STAM2: variants seen among roughly 807,000 people sequenced by gnomAD.
STAM2 encodes signal transducing adaptor molecule 2.
In STAM2, 51 loss-of-function variants were observed where a neutral mutation model predicts 65.6. That is an observed-to-expected ratio of 0.78 (90% CI 0.62 to 0.98). The LOEUF (loss-of-function observed/expected upper bound fraction) is 0.98, where lower values mean the gene tolerates loss of function less well. Ranked by LOEUF, STAM2 falls within the 50% of genes least tolerant of loss-of-function variation. STAM2 has a pLI of 0.00. For synonymous variants in STAM2, 198 were observed against 208.4 expected (o/e 0.95, Z 0.43); for missense variants, 584 against 617.8 (o/e 0.95, Z 0.58).
intron 1 of STAM2, among the ~76,000 whole-genome samples, chr2:152,172,857 C>T (rs186672896): frequency 6.9e-4 from 96 of 139,438 alleles, no homozygotes; most frequent in African/African-American, 2.5e-3. Context: ...GAGACAGATT[C>T]GTCTCAAAAA....
In STAM2 at chr2:152,150,185, T is replaced by TA. The variant is rs752197733; in HGVS notation, c.84dup (p.Ile29TyrfsTer6). 1 of 1,613,688 alleles carries TA rather than the reference T, an allele frequency of 6.2e-7. No individual in the cohort carries two copies. The highest frequency in any genetic ancestry group is 1.1e-5 in the South Asian group (1 of 91,028). On this transcript the variant is annotated frameshift_variant, in exon 2 of 14. Transcript: ENST00000263904. LOFTEE classifies it high-confidence loss of function. ...CCAACTTTGTCACATATGTCCATAA[T>TA]AAGACTCCAATCTTCTGTAGTGTTG...
At chr2:152,132,052 T>C (rs1473712733) in intron 11 of STAM2, 62 bp downstream of exon 11, 11 of 1,250,402 alleles carry the variant, frequency 8.8e-6, no homozygotes, top group Non-Finnish European at 1.3e-5. Flanking sequence ...ACTTTACTGT[T>C]TGCCAAAACA....
intron 10 of STAM2, 124 bp from the exon 11 acceptor site, chr2:152,132,292 C>T (rs747052074): frequency 3.4e-5 from 21 of 611,922 alleles, no homozygotes; most frequent in Non-Finnish European, 5.5e-5. Flanking sequence ...TAAGCTCATG[C>T]TAGAGAAAGA....
intron 4 of STAM2, among the ~76,000 whole-genome samples, chr2:152,147,646 T>C (rs1485029534): frequency 6.6e-6 from 1 of 152,174 alleles, no homozygotes; most frequent in Non-Finnish European, 1.5e-5. Flanking sequence ...ACCAGCTGCA[T>C]GACCTTGGAC....
intron 1 of STAM2, among the ~76,000 whole-genome samples, chr2:152,173,539 G>A (rs1689943893): frequency 6.6e-6 from 1 of 151,838 alleles, no homozygotes; most frequent in Admixed American, 6.6e-5. Context: ...AGGGACTACA[G>A]GCACGCGCCA....
rs778426545 is a variant in STAM2, at chr2:152,144,905, T to C, written c.500A>G (p.Asp167Gly). 1.9e-6 allele frequency: 3 copies of C among 1,613,938 alleles called. No homozygotes were observed. The highest frequency in any genetic ancestry group is 2.2e-5 in the South Asian group (2 of 91,064). Reference sequence around the variant, plus strand: ...TCATTTACCTTTAGCTATGTCTTCATCCTCTTTGTTTTTGTTCGATGACGT... The same window carrying C: ...TCATTTACCTTTAGCTATGTCTTCACCCTCTTTGTTTTTGTTCGATGACGT... The part of the protein sequence containing the change: ...NGTSSNKNKE[D>G]EDIAKAIELS... The change falls in exon 6 of 14, where the codon GAT (aspartate) becomes GGT (glycine). Residue 167 changes from aspartate to glycine, a missense_variant. By Grantham distance (94) the Asp-to-Gly change is moderately conservative (BLOSUM62 -1). Transcript: ENST00000263904.
At chr2:152,168,284 C>T (rs1439874189) in intron 1 of STAM2, among the ~76,000 whole-genome samples, 1 of 152,096 alleles carries the variant, frequency 6.6e-6, no homozygotes, top group African/African-American at 2.4e-5. Flanking sequence ...CCTCAGCCTC[C>T]CGAGTAGCTG....
At position 152,175,725 on chromosome 2, in the gene STAM2, T is replaced by C; in HGVS notation, c.-83A>G. 1.4e-6 allele frequency: 2 copies of C among 1,457,884 alleles called. No homozygotes were observed. Among genetic ancestry groups the C allele is most frequent in the Non-Finnish European group, 9.4e-7 (1 of 1,065,366 alleles). 90.3% of individuals were successfully genotyped at this position (1,457,884 alleles called of 1,614,324 possible). A position where few individuals can be genotyped will look rare whatever the true frequency, so the allele number is the denominator to read the frequency against. On this transcript the variant is annotated 5_prime_UTR_variant, in exon 1 of 14. Transcript: ENST00000263904. ...CCGCCGGGTGACCCGCGGCCGCGGC[T>C]CCCTAGACCGCTCCGCTTCGGCCTC...
In STAM2 at chr2:152,128,965, G is replaced by C. The variant is rs375201647; in HGVS notation, c.1026-2586C>G. Among the ~76,000 whole-genome samples, 32 of 152,312 alleles carry C rather than the reference G, an allele frequency of 2.1e-4. 1 individual carries two copies. In the East Asian group the frequency reaches 5.4e-3, roughly 26 times the overall value. On this transcript the variant is annotated intron_variant, in intron 11 of 13. Coordinates refer to ENST00000263904, the MANE Select transcript of STAM2 (RefSeq NM_005843.6). Reference sequence around the variant, plus strand: ...GAATACTTGACAAGGGTAAATAATAGTCAATAAGAATTTGTTGAAGAACAG... The same window carrying C: ...GAATACTTGACAAGGGTAAATAATACTCAATAAGAATTTGTTGAAGAACAG...
chr2:152,129,196 T>G (rs1254777549), intron 11 of STAM2, among the ~76,000 whole-genome samples: 1 of 152,092 alleles, frequency 6.6e-6, no homozygotes, highest in Non-Finnish European at 1.5e-5. Context: ...CAGACTGGAG[T>G]ACAGTGGTGC....
intron 11 of STAM2, among the ~76,000 whole-genome samples, chr2:152,127,551 C>CCA (rs747718055): frequency 2.6e-5 from 4 of 151,140 alleles, no homozygotes; most frequent in Non-Finnish European, 5.9e-5. Flanking sequence ...TAAAAAAAAA[C>CCA]CACACACACA....
chr2:152,174,757 G>A (rs571404130), intron 1 of STAM2, among the ~76,000 whole-genome samples: 3 of 152,290 alleles, frequency 2.0e-5, no homozygotes. Context: ...GGAGGTGGAG[G>A]CTGAGGTGGG....
intron 13 of STAM2, among the ~76,000 whole-genome samples, chr2:152,123,379 CAA>C (rs1009081005): frequency 6.6e-6 from 1 of 151,964 alleles, no homozygotes; most frequent in Non-Finnish European, 1.5e-5. Context: ...CTCAAAAAAA[CAA>C]AACAAAAAAA....
chr2:152,131,242 C>T (rs760756102), intron 11 of STAM2, among the ~76,000 whole-genome samples: 4 of 152,030 alleles, frequency 2.6e-5, no homozygotes, highest in Non-Finnish European at 5.9e-5. Context: ...ATTACAAGGT[C>T]AGGAGTTCGA....
chr2:152,150,979 CCACTGCACCCAGCCTGAAG>C (rs1434678431), intron 1 of STAM2, among the ~76,000 whole-genome samples: 1 of 151,740 alleles, frequency 6.6e-6, no homozygotes, highest in Non-Finnish European at 1.5e-5. Flanking sequence ...GGATTACAGG[CCACTGCACCCAGCCTGAAG>C]CACTGTTTTC....
At chr2:152,166,627 T>G (rs531480218) in intron 1 of STAM2, among the ~76,000 whole-genome samples, 1 of 152,288 alleles carries the variant, frequency 6.6e-6, no homozygotes, top group South Asian at 2.1e-4. Context: ...AAAGGTTTAT[T>G]CATTATCAGG....
chr2:152,171,186 T>TA (rs1689892718), intron 1 of STAM2, among the ~76,000 whole-genome samples: 1 of 152,286 alleles, frequency 6.6e-6, no homozygotes, highest in African/African-American at 2.4e-5. Flanking sequence ...AGGTAGCTGC[T>TA]AAAAATACTA....
chr2:152,118,440 ATATATT>A lies in STAM2; in HGVS notation c.*2128_*2133del, dbSNP rs1286390303. 2.7e-5 allele frequency: 4 copies of A among 146,210 alleles called. No individual in the cohort carries two copies. Among genetic ancestry groups the A allele is most frequent in the Admixed American group, 6.8e-5 (1 of 14,778 alleles). 9.1% of individuals were successfully genotyped at this position (146,210 alleles called of 1,614,324 possible). Reference sequence around the variant, plus strand: ...TTTCACCGATGTGCCAATATATACTATATATTTATATATATATATATGTGTCATGTT... The same window carrying A: ...TTTCACCGATGTGCCAATATATACTATATATATATATATATGTGTCATGTT... On this transcript the variant is annotated 3_prime_UTR_variant, in exon 14 of 14. Coordinates refer to ENST00000263904, the MANE Select transcript of STAM2 (RefSeq NM_005843.6).
At chr2:152,158,829 T>C (rs374592089) in intron 1 of STAM2, among the ~76,000 whole-genome samples, 53 of 152,088 alleles carry the variant, frequency 3.5e-4, no homozygotes, top group African/African-American at 1.2e-3. Flanking sequence ...AACCCACCCC[T>C]GTAAGCCCTT....
Sources: allele counts gnomAD v4.1 joint callset (sites outside exome capture counted in the v4.1 genomes callset), GRCh38; gene constraint gnomAD v4.1.1; transcripts MANE v1.5; gene names NCBI Gene and HGNC (gene_info 2026-07-23, HGNC 2026-07-21).